PMFBP1: variants seen among roughly 807,000 people sequenced by gnomAD.
PMFBP1 encodes polyamine-modulated factor 1-binding protein 1.
Under a neutral mutation model 137.8 loss-of-function variants are expected in PMFBP1, and 131 were observed. That is an observed-to-expected ratio of 0.95 (90% confidence interval 0.82 to 1.10). The LOEUF (loss-of-function observed/expected upper bound fraction) is 1.10, where lower values mean the gene tolerates loss of function less well. Ranked by LOEUF, PMFBP1 falls within the 50% of genes least tolerant of loss-of-function variation. The pLI, the probability that PMFBP1 is intolerant of heterozygous loss-of-function variation, is 0.00. For synonymous variants in PMFBP1, 490 were observed against 450.4 expected (o/e 1.09, Z -1.11); for missense variants, 1,199 against 1,175.4 (o/e 1.02, Z -0.29).
At chr16:72,128,898 T>C (rs2042503707) in intron 13 of PMFBP1, 104 bp from the exon 14 acceptor site, 1 of 1,531,870 alleles carries the variant, frequency 6.5e-7, no homozygotes, top group South Asian at 1.2e-5. Flanking sequence ...ATCTCCACCC[T>C]GCGGGAGCTC....
At chr16:72,125,746 G>C (rs563021360) in intron 15 of PMFBP1, among the ~76,000 whole-genome samples, 1 of 152,306 alleles carries the variant, frequency 6.6e-6, no homozygotes, top group South Asian at 2.1e-4. Context: ...AGGCTTGCTA[G>C]ATTTGGTTTT....
Position 72,130,287 on chromosome 16 carries a change from T to G in PMFBP1, c.1708A>C (p.Lys570Gln). ...LRKLENSDKE[K>Q]RQLQKTVAEQ... is the part of the protein sequence containing the mutation. ...GCCACTGTCTTCTGAAGCTGCCTCTTTTCCTTGTCTGAATTTTCAAGCTTC... is the reference window on the plus strand; with the variant it reads ...GCCACTGTCTTCTGAAGCTGCCTCTGTTCCTTGTCTGAATTTTCAAGCTTC... The change falls in exon 12 of 21, where the codon AAG becomes CAG. Residue 570 changes from lysine (K) to glutamine (Q), a missense_variant. Lys to Gln is a moderately conservative substitution (Grantham distance 53). Transcript: ENST00000237353. 1 of 1,614,206 alleles carries G rather than the reference T, an allele frequency of 6.2e-7. No homozygotes were observed. Among genetic ancestry groups the G allele is most frequent in the Non-Finnish European group, 8.5e-7 (1 of 1,180,038 alleles).
chr16:72,241,918 A>C, the PMFBP1 span, among the ~76,000 whole-genome samples: 1 of 152,170 alleles, frequency 6.6e-6, no homozygotes, highest in Non-Finnish European at 1.5e-5. Flanking sequence ...TTATCATAGA[A>C]GTTATTTTTA....
At chr16:72,167,285 T>C (rs1363807850) in intron 2 of PMFBP1, among the ~76,000 whole-genome samples, 1 of 152,118 alleles carries the variant, frequency 6.6e-6, no homozygotes, top group Non-Finnish European at 1.5e-5. Flanking sequence ...TTCCATTTAG[T>C]ACCTGGACTT....
chr16:72,194,219 T>A, the PMFBP1 span, among the ~76,000 whole-genome samples: 1 of 152,198 alleles, frequency 6.6e-6, no homozygotes, highest in African/African-American at 2.4e-5. Flanking sequence ...CTTCATTACT[T>A]CCTAATTATC....
the PMFBP1 span, among the ~76,000 whole-genome samples, chr16:72,249,751 C>A: frequency 6.7e-6 from 1 of 148,456 alleles, no homozygotes; most frequent in Non-Finnish European, 1.5e-5. Context: ...CCCGTCTCTA[C>A]TAAAAATACA....
In PMFBP1 at chr16:72,123,632, C is replaced by G; in HGVS notation, c.2607G>C (p.Gln869His). 1 of 1,613,892 alleles carries G rather than the reference C, an allele frequency of 6.2e-7. No homozygotes were observed. The highest frequency in any genetic ancestry group is 1.1e-5 in the South Asian group (1 of 91,052). Reference sequence around the variant, plus strand: ...TACAGGTGTCTTTGGGCACAGACCACTGGGGCAGGCAGCAGGGCTTGGGTA... The same window carrying G: ...TACAGGTGTCTTTGGGCACAGACCAGTGGGGCAGGCAGCAGGGCTTGGGTA... The part of the protein sequence containing the change: ...EDDKEPCCLP[Q>H]WSVPKDTCRL... The change falls in exon 18 of 21, where the codon CAG (glutamine) becomes CAC (histidine). Residue 869 changes from glutamine (Q) to histidine (H), a missense_variant. By Grantham distance (24) the Gln-to-His change is conservative. Transcript: ENST00000237353.
chr16:72,140,375 G>C (rs1371350623), intron 6 of PMFBP1, 37 bp downstream of exon 6: 6 of 1,562,382 alleles, frequency 3.8e-6, no homozygotes, highest in Non-Finnish European at 4.4e-6. Context: ...CTTGATTGAG[G>C]GTCTCCCAGA....
chr16:72,233,847 T>C, the PMFBP1 span, among the ~76,000 whole-genome samples: 1 of 152,176 alleles, frequency 6.6e-6, no homozygotes, highest in Non-Finnish European at 1.5e-5. Flanking sequence ...GTGGCTTTTG[T>C]GTCTGGCTTC....
At chr16:72,145,363 C>T (rs1162967444) in intron 5 of PMFBP1, among the ~76,000 whole-genome samples, 4 of 152,186 alleles carry the variant, frequency 2.6e-5, no homozygotes, top group African/African-American at 7.2e-5. Flanking sequence ...ACTGGAATCT[C>T]TGGGACACAT....
chr16:72,158,966 G>A (rs2043022686), intron 3 of PMFBP1, among the ~76,000 whole-genome samples: 2 of 152,204 alleles, frequency 1.3e-5, no homozygotes, highest in African/African-American at 4.8e-5. Context: ...CTGCACCCCA[G>A]CCTGGGCAAC....
chr16:72,215,369 A>AG, the PMFBP1 span, among the ~76,000 whole-genome samples: 21,071 of 149,658 alleles, frequency 0.14, 1,551 homozygotes, highest in African/African-American at 0.2. Context: ...AGAGAGAGAG[A>AG]AAAAAAAAAC....
upstream of PMFBP1, among the ~76,000 whole-genome samples, chr16:72,173,318 CAT>C (rs1331353889): frequency 6.6e-6 from 1 of 152,182 alleles, no homozygotes; most frequent in East Asian, 1.9e-4. Context: ...CCTTGAGAAT[CAT>C]ACTTCTTTGC....
chr16:72,225,518 C>G, the PMFBP1 span, among the ~76,000 whole-genome samples: 2 of 151,772 alleles, frequency 1.3e-5, no homozygotes, highest in Non-Finnish European at 2.9e-5. Flanking sequence ...AGCAAGACCC[C>G]ATGTCTTTAC....
intron 11 of PMFBP1, 42 bp downstream of exon 11, chr16:72,130,491 G>A: frequency 6.2e-7 from 1 of 1,611,772 alleles, no homozygotes; most frequent in Non-Finnish European, 8.5e-7. Flanking sequence ...TGGGTCAAGA[G>A]TGACAGAACC....
the PMFBP1 span, among the ~76,000 whole-genome samples, chr16:72,208,260 G>A: frequency 1.1e-4 from 16 of 152,196 alleles, no homozygotes; most frequent in African/African-American, 3.9e-4. Context: ...GCTTGTGGAA[G>A]GCTAATGAAG....
upstream of PMFBP1, among the ~76,000 whole-genome samples, chr16:72,173,739 A>G (rs953017037): frequency 6.6e-6 from 1 of 152,160 alleles, no homozygotes; most frequent in African/African-American, 2.4e-5. Context: ...GGAGCCCCAC[A>G]GGCTTTACGA....
chr16:72,219,914 T>G, the PMFBP1 span, among the ~76,000 whole-genome samples: 21 of 152,212 alleles, frequency 1.4e-4, no homozygotes, highest in African/African-American at 3.9e-4. Flanking sequence ...CCTAGAAAGT[T>G]CTTTAGCAAA....
intron 3 of PMFBP1, among the ~76,000 whole-genome samples, chr16:72,159,532 A>T (rs1160533543): frequency 6.6e-6 from 1 of 152,230 alleles, no homozygotes; most frequent in Non-Finnish European, 1.5e-5. Flanking sequence ...GACTGCTTCT[A>T]TCTGCAGAGA....
Sources: allele counts gnomAD v4.1 joint callset (sites outside exome capture counted in the v4.1 genomes callset), GRCh38; gene constraint gnomAD v4.1.1; transcripts MANE v1.5; gene names NCBI Gene and HGNC (gene_info 2026-07-23, HGNC 2026-07-21).